Variants in CSAD observed in about 807,000 individuals in gnomAD.
CSAD encodes P-selectin cytoplasmic tail-associated protein.
CSAD carries 47 observed loss-of-function variants against 61.5 expected under a neutral mutation model. The observed-to-expected ratio is 0.76, with a 90% CI of 0.60 to 0.97. The LOEUF is 0.97. CSAD is among the 50% of genes least tolerant of loss of function. CSAD has a pLI of 0.00. For missense variants in CSAD, 611 were observed against 643.6 expected (o/e 0.95, Z 0.55); for synonymous variants, 245 against 252.7 (o/e 0.97, Z 0.29).
intron 1 of CSAD, chr12:53,179,867 A>C: frequency 1.2e-6 from 2 of 1,610,830 alleles, no homozygotes; most frequent in Non-Finnish European, 1.7e-6. Context: ...CTAATGGCTA[A>C]GGCTAGGCAG....
chr12:53,173,194 C>T (rs762943590), intron 4 of CSAD, 151 bp downstream of exon 4: 22 of 735,896 alleles, frequency 3.0e-5, no homozygotes, highest in Non-Finnish European at 4.2e-5. Context: ...GCCGATAGAG[C>T]GAGACTCTGT....
rs1283872896 is a variant in CSAD at position 53,159,871 on chromosome 12, T to C, written c.1218+16A>G. 4 of 1,584,734 alleles carry C rather than the reference T, an allele frequency of 2.5e-6. No homozygotes were observed. Among genetic ancestry groups the C allele is most frequent in the Admixed American group, 1.8e-5 (1 of 56,164 alleles). On this transcript the variant is annotated intron_variant, in intron 15 of 16. Transcript: ENST00000444623. Reference sequence around the variant, plus strand: ...CTAGGCTGGGGCAGGGGCCACAAAATAGAAAGGGGTCCTACCTCCATGACT... The same window carrying C: ...CTAGGCTGGGGCAGGGGCCACAAAACAGAAAGGGGTCCTACCTCCATGACT...
Position 53,161,250 on chromosome 12 carries a change from C to T in CSAD, c.819+23G>A, listed in dbSNP as rs537248806. ...CTTGGCTCAGCCCACCCCACCGCAC[C>T]CCCAAGCCGAAGTCCCACTCACATC... On this transcript the variant is annotated intron_variant, in intron 11 of 16. Transcript: ENST00000444623. 18 of 1,613,802 alleles carry T rather than the reference C, an allele frequency of 1.1e-5. No individual in the cohort carries two copies. The South Asian group carries it at 1.9e-4, about 17-fold the overall frequency.
At chr12:53,180,653 A>G (rs769170857) in intron 1 of CSAD, 79 bp downstream of exon 1, 2 of 1,283,054 alleles carry the variant, frequency 1.6e-6, no homozygotes, top group Non-Finnish European at 2.0e-6. Flanking sequence ...AAGTGGATGC[A>G]GCCGCTCGGC....
chr12:53,178,283 G>C, intron 2 of CSAD: 1 of 443,066 alleles, frequency 2.3e-6, no homozygotes, highest in South Asian at 1.6e-5. Context: ...GACCAGCCTG[G>C]GCAACATGGC....
intron 1 of CSAD, chr12:53,179,791 C>T: frequency 6.2e-7 from 1 of 1,613,422 alleles, no homozygotes; most frequent in South Asian, 1.1e-5. Flanking sequence ...GAAATGAGGA[C>T]TTCAGTGGAA....
At chr12:53,159,745 T>C in intron 15 of CSAD, 33 bp from the exon 16 acceptor site, 2 of 1,576,354 alleles carry the variant, frequency 1.3e-6, no homozygotes, top group East Asian at 2.3e-5. Context: ...AGGTGTGAGC[T>C]GAGAAAGGGG....
chr12:53,180,316 T>G, intron 1 of CSAD: 1 of 985,384 alleles, frequency 1.0e-6, no homozygotes, highest in Non-Finnish European at 1.2e-6. Flanking sequence ...CTGGCTCTAC[T>G]TGGGGCGCCG....
chr12:53,170,544 G>T, intron 8 of CSAD, 42 bp from the exon 9 acceptor site: 1 of 1,487,254 alleles, frequency 6.7e-7, no homozygotes, highest in Non-Finnish European at 9.4e-7. Context: ...AACTTGATGG[G>T]GGAGGGGAGA....
intron 13 of CSAD, 82 bp from the exon 14 acceptor site, chr12:53,160,401 T>G: frequency 7.3e-7 from 1 of 1,364,846 alleles, no homozygotes; most frequent in Non-Finnish European, 1.0e-6. Context: ...GGGTCTTAGC[T>G]CAGGATACCC....
chr12:53,159,576 T>A, intron 16 of CSAD, 47 bp downstream of exon 16: 1 of 1,517,562 alleles, frequency 6.6e-7, no homozygotes, highest in Non-Finnish European at 9.0e-7. Flanking sequence ...AGCGCATCAG[T>A]TGCATCAGCT....
chr12:53,173,922 C>T (rs1012215018), intron 2 of CSAD, 152 bp from the exon 3 acceptor site: 3 of 710,184 alleles, frequency 4.2e-6, no homozygotes, highest in Non-Finnish European at 7.2e-6. Context: ...CAGTAGCAGT[C>T]ATTTCCCATT....
intron 10 of CSAD, 104 bp downstream of exon 10, chr12:53,169,968 G>T: frequency 2.1e-6 from 2 of 970,288 alleles, no homozygotes; most frequent in Non-Finnish European, 3.3e-6. Context: ...GGGGAGATGG[G>T]CATGGAGACG....
chr12:53,166,714 T>G (rs1446817937), intron 10 of CSAD, among the ~76,000 whole-genome samples: 1 of 152,096 alleles, frequency 6.6e-6, no homozygotes, highest in African/African-American at 2.4e-5. Context: ...GAGAATCGCT[T>G]GAACCCAGGA....
Position 53,160,210 on chromosome 12 carries a change from C to T in CSAD, c.1076G>A (p.Arg359His), listed in dbSNP as rs753654606. ...TGDKVVQCGR[R>H]VDCLKLWLMW... ...GAGCCACAGCTTCAGACAGTCCACA[C>T]GGCGGCCACACTGCACCACCTTGTC... The change falls in exon 14 of 17, where the codon CGT becomes CAT. Residue 359 changes from arginine (R) to histidine (H), a missense_variant. Transcript: ENST00000444623. 3.5e-5 allele frequency: 56 copies of T among 1,614,082 alleles called. No homozygotes were observed. The East Asian group carries it at 7.8e-4, about 22-fold the overall frequency.
In CSAD at chr12:53,171,873, C is replaced by T; in HGVS notation, c.451+9G>A. 2 of 1,597,150 alleles carry T rather than the reference C, an allele frequency of 1.3e-6. No individual in the cohort carries two copies. Among genetic ancestry groups the T allele is most frequent in the Non-Finnish European group, 1.7e-6 (2 of 1,165,154 alleles). On this transcript the variant is annotated intron_variant, in intron 7 of 16. Transcript: ENST00000444623. Reference sequence around the variant, plus strand: ...AGGGCAAAGAAAGGTCCTCCTCCTTCTCACAAACCAGGGCAGAAGATTCCG... The same window carrying T: ...AGGGCAAAGAAAGGTCCTCCTCCTTTTCACAAACCAGGGCAGAAGATTCCG...
At chr12:53,173,078 C>T (rs1422035147) in intron 4 of CSAD, among the ~76,000 whole-genome samples, 1 of 152,060 alleles carries the variant, frequency 6.6e-6, no homozygotes, top group African/African-American at 2.4e-5. Flanking sequence ...CGTGGTGGCA[C>T]ATGCCTGTAA....
chr12:53,170,080 C>G lies in CSAD; in HGVS notation c.694G>C (p.Glu232Gln), dbSNP rs558408776. Reference protein sequence around the residue: ...EDLERQIGMAEAEGAVPFLVS... With the variant: ...EDLERQIGMAQAEGAVPFLVS... ...GAGCCTCACTGACTCACCTCAGCCT[C>G]GGCCATACCAATCTGCCTCTCCAGA... is the stretch of plus-strand genomic sequence containing the variant. Residue 232 changes from glutamate (E) to glutamine (Q), a missense_variant, in exon 10 of 17, where the codon GAG becomes CAG. By Grantham distance (29) the Glu-to-Gln change is conservative (BLOSUM62 2). Transcript: ENST00000444623. 2 of 1,613,998 alleles carry G rather than the reference C, an allele frequency of 1.2e-6. No individual in the cohort carries two copies. Among genetic ancestry groups the G allele is most frequent in the Admixed American group, 1.7e-5 (1 of 60,026 alleles).
intron 12 of CSAD, 139 bp downstream of exon 12, chr12:53,160,988 C>T: frequency 8.7e-7 from 1 of 1,146,222 alleles, no homozygotes; most frequent in Non-Finnish European, 1.3e-6. Flanking sequence ...TGTCTGACCT[C>T]CCAGCTCCAA....
Sources: allele counts gnomAD v4.1 joint callset (sites outside exome capture counted in the v4.1 genomes callset), GRCh38; gene constraint gnomAD v4.1.1; transcripts MANE v1.5; gene names NCBI Gene and HGNC (gene_info 2026-07-23, HGNC 2026-07-21).